The following CHST7 variants were observed in gnomAD, a reference collection of about 807,000 sequenced individuals.
CHST7 encodes carbohydrate sulfotransferase 7, also known as N-acetylglucosamine 6-O-sulfotransferase 4.
CHST7 carries 5 observed loss-of-function variants against 9.0 expected under a neutral mutation model. The ratio of observed to expected loss-of-function variants is 0.56; its 90% CI spans 0.29 to 1.17. The LOEUF is 1.17. Among genes scored for constraint, CHST7 ranks in the 50% most tolerant of loss-of-function variants. The pLI, the probability that CHST7 is intolerant of heterozygous loss-of-function variation, is 0.08. For missense variants in CHST7, 377 were observed against 485.1 expected (o/e 0.78, Z 2.09); for synonymous variants, 244 against 237.1 (o/e 1.03, Z -0.27).
chrX:46,577,083 T>A (rs1229582948), intron 1 of CHST7, among the ~76,000 whole-genome samples: 1 of 110,996 alleles, frequency 9.0e-6, no homozygotes, highest in Non-Finnish European at 1.9e-5. Flanking sequence ...TGCTGTGCAT[T>A]TTATGGCTTT....
rs753437578 is a variant in CHST7 at position 46,575,302 on chromosome X, C to T, written c.1371C>T (p.Leu457=). 1 of 1,104,817 alleles carries T rather than the reference C, an allele frequency of 9.1e-7. No individual in the cohort carries two copies. Among genetic ancestry groups the T allele is most frequent in the Non-Finnish European group, 1.2e-6 (1 of 847,215 alleles). The allele number at this position is 1,104,817 out of a possible 1,213,427, so 91.0% of individuals were successfully genotyped here. Residue 457 remains leucine (L), a synonymous_variant, in exon 1 of 2, where the codon CTC becomes CTT. Transcript: ENST00000276055. ...CCTGCGCTCCAGCCATGCGTCTGCT[C>T]GCCTACCCTCGCAGCGGAGAGGAGG... ...EAACAPAMRL[L]AYPRSGEEGD...
intron 1 of CHST7, among the ~76,000 whole-genome samples, chrX:46,592,844 C>A (rs1472204710): frequency 1.9e-5 from 2 of 104,357 alleles, no homozygotes; most frequent in South Asian, 4.2e-4. Flanking sequence ...GATTTGAGAT[C>A]TTTTTTTCTC....
At chrX:46,586,938 T>C (rs1453537146) in intron 1 of CHST7, among the ~76,000 whole-genome samples, 1 of 110,771 alleles carries the variant, frequency 9.0e-6, no homozygotes, top group Non-Finnish European at 1.9e-5. Flanking sequence ...TTTCTCCATG[T>C]TGGTCAGGCT....
chrX:46,593,870 A>C (rs1942582502), intron 1 of CHST7, among the ~76,000 whole-genome samples: 1 of 111,965 alleles, frequency 8.9e-6, no homozygotes. Context: ...TACTACCTCC[A>C]ATGAAATGTA....
chrX:46,595,756 T>C (rs1211074796), intron 1 of CHST7, among the ~76,000 whole-genome samples: 2 of 111,253 alleles, frequency 1.8e-5, no homozygotes, highest in African/African-American at 3.3e-5. Context: ...CAGACTCTTA[T>C]CTTTGTTTTA....
At chrX:46,588,059 G>A (rs1170464611) in intron 1 of CHST7, among the ~76,000 whole-genome samples, 3 of 111,737 alleles carry the variant, frequency 2.7e-5, no homozygotes, top group African/African-American at 9.8e-5. Flanking sequence ...AGTGCTAAGC[G>A]CCAGCACCAA....
intron 1 of CHST7, among the ~76,000 whole-genome samples, chrX:46,595,779 G>A (rs1013238088): frequency 9.0e-6 from 1 of 111,159 alleles, no homozygotes; most frequent in Non-Finnish European, 1.9e-5. Flanking sequence ...CATAATATTC[G>A]GAGTTTTTAG....
intron 1 of CHST7, among the ~76,000 whole-genome samples, chrX:46,589,549 CAA>C (rs758495614): frequency 7.6e-5 from 5 of 65,612 alleles, no homozygotes; most frequent in African/African-American, 5.8e-5. Flanking sequence ...GACTCTGTCT[CAA>C]AAAAAAAAAA....
intron 1 of CHST7, among the ~76,000 whole-genome samples, chrX:46,584,359 G>A (rs769986431): frequency 9.1e-6 from 1 of 109,813 alleles, no homozygotes; most frequent in South Asian, 3.9e-4. Flanking sequence ...CCAACATGGA[G>A]AAACCCCGCC....
chrX:46,590,078 G>A (rs908867218), intron 1 of CHST7, among the ~76,000 whole-genome samples: 2 of 111,475 alleles, frequency 1.8e-5, no homozygotes, highest in African/African-American at 6.5e-5. Flanking sequence ...GGGTACAGAT[G>A]TTGGGCTGGT....
chrX:46,575,276 G>T lies in CHST7; in HGVS notation c.1345G>T (p.Ala449Ser). ...AGAGCAGGTGCGCCAGGTGGAGGCC[G>T]CCTGCGCTCCAGCCATGCGTCTGCT... is the stretch of plus-strand genomic sequence containing the variant. ...SREQVRQVEA[A>S]CAPAMRLLAY... Residue 449 changes from alanine (A) to serine (S), a missense_variant, in exon 1 of 2, where the codon GCC becomes TCC. This residue lies in a region of CHST7 where 130 missense variants were observed against 134.9 expected (regional missense o/e 0.96). Coordinates refer to ENST00000276055, the MANE Select transcript of CHST7 (RefSeq NM_019886.4). The T allele has an allele frequency of 9.0e-7, 1 of 1,108,319 alleles. No individual in the cohort carries two copies. The highest frequency in any genetic ancestry group is 1.2e-6 in the Non-Finnish European group (1 of 849,114). 91.3% of individuals were successfully genotyped at this position (1,108,319 alleles called of 1,213,427 possible). A position where few individuals can be genotyped will look rare whatever the true frequency, so the allele number is the denominator to read the frequency against.
At chrX:46,586,692 A>G (rs1270866518) in intron 1 of CHST7, among the ~76,000 whole-genome samples, 1 of 112,237 alleles carries the variant, frequency 8.9e-6, no homozygotes, top group Non-Finnish European at 1.9e-5. Context: ...AATGAAAGGA[A>G]AAAACAAAAG....
chrX:46,575,859 G>A (rs970297948), intron 1 of CHST7, among the ~76,000 whole-genome samples: 1 of 111,906 alleles, frequency 8.9e-6, no homozygotes, highest in Non-Finnish European at 1.9e-5. Context: ...TGTCCTGTGA[G>A]GAGACTTTGC....
intron 1 of CHST7, among the ~76,000 whole-genome samples, chrX:46,591,132 A>G (rs1360499982): frequency 3.6e-5 from 4 of 112,397 alleles, no homozygotes; most frequent in African/African-American, 9.7e-5. Context: ...GCTATTACAA[A>G]TAAAGCTACT....
At chrX:46,597,349 G>A (rs1476080069) in intron 1 of CHST7, among the ~76,000 whole-genome samples, 1 of 112,184 alleles carries the variant, frequency 8.9e-6, no homozygotes, top group African/African-American at 3.2e-5. Context: ...GTCAGTTGCT[G>A]TTGGCGTTTT....
At position 46,575,020 on chromosome X, in the gene CHST7, C is replaced by A; in HGVS notation, c.1089C>A (p.Pro363=). The part of the protein sequence containing the change: ...LRDLLFARGA[P]AWLRRRYLRL... ...ATCTGCTTTTCGCGCGCGGCGCGCCCGCCTGGCTGCGGCGCCGCTACCTGA... is the reference window on the plus strand; with the variant it reads ...ATCTGCTTTTCGCGCGCGGCGCGCCAGCCTGGCTGCGGCGCCGCTACCTGA... Residue 363 remains proline, a synonymous_variant, in exon 1 of 2, where the codon CCC becomes CCA. Transcript: ENST00000276055. 1.8e-6 allele frequency: 2 copies of A among 1,128,876 alleles called. No individual in the cohort carries two copies. Among genetic ancestry groups the A allele is most frequent in the African/African-American group, 3.8e-5 (2 of 53,307 alleles). The allele number at this position is 1,128,876 out of a possible 1,213,427, so 93.0% of individuals were successfully genotyped here. A position where few individuals can be genotyped will look rare whatever the true frequency, so the allele number is the denominator to read the frequency against.
intron 1 of CHST7, among the ~76,000 whole-genome samples, chrX:46,592,368 T>TTTTTG (rs922596903): frequency 1.2e-4 from 13 of 112,513 alleles, no homozygotes; most frequent in Admixed American, 1.1e-3. Context: ...TTGTTTTTGT[T>TTTTTG]TTTTGTTTTG....
chrX:46,588,444 T>C (rs981482668), intron 1 of CHST7, among the ~76,000 whole-genome samples: 3 of 111,122 alleles, frequency 2.7e-5, no homozygotes, highest in African/African-American at 9.8e-5. Flanking sequence ...GCTTCAAAGA[T>C]TGAAGAAAGT....
chrX:46,573,884 G>A lies in CHST7; in HGVS notation c.-48G>A. On this transcript the variant is annotated 5_prime_UTR_variant, in exon 1 of 2. Transcript: ENST00000276055. ...GCGGACCTGGCACGGGATTTCTGAG[G>A]AACGGGAGAAGACTGGCGCCCGACC... 1 of 1,152,923 alleles carries A rather than the reference G, an allele frequency of 8.7e-7. No individual in the cohort carries two copies. The highest frequency in any genetic ancestry group is 1.1e-6 in the Non-Finnish European group (1 of 871,676).
Sources: allele counts gnomAD v4.1 joint callset (sites outside exome capture counted in the v4.1 genomes callset), GRCh38; gene constraint gnomAD v4.1.1; regional missense constraint gnomAD v4.1.1; transcripts MANE v1.5; gene names NCBI Gene and HGNC (gene_info 2026-07-23, HGNC 2026-07-21).